The following CDC37L1 variants were observed in gnomAD, a reference collection of about 807,000 sequenced individuals.
The protein encoded by CDC37L1 is hsp90 co-chaperone Cdc37-like 1.
CDC37L1 carries 32 observed loss-of-function variants against 45.9 expected under a neutral mutation model. The ratio of observed to expected loss-of-function variants is 0.70; its 90% CI spans 0.53 to 0.94. The LOEUF (loss-of-function observed/expected upper bound fraction) is 0.94, where lower values mean the gene tolerates loss of function less well. Among genes scored for constraint, CDC37L1 ranks in the 40% least tolerant of loss-of-function variants. The probability of loss-of-function intolerance (pLI) is 0.00; values close to 1 mark genes in which losing one functional copy is unlikely to be tolerated. For missense variants in CDC37L1, 434 were observed against 405.7 expected (o/e 1.07, Z -0.60); for synonymous variants, 150 against 133.0 (o/e 1.13, Z -0.88).
chr9:4,681,677 G>A (rs1382447288), intron 1 of CDC37L1, among the ~76,000 whole-genome samples: 1 of 152,076 alleles, frequency 6.6e-6, no homozygotes, highest in Non-Finnish European at 1.5e-5. Flanking sequence ...TATTAATTCT[G>A]AGTTCATGTG....
intron 4 of CDC37L1, 54 bp downstream of exon 4, chr9:4,697,265 A>C: frequency 1.2e-6 from 1 of 816,964 alleles, no homozygotes; most frequent in Non-Finnish European, 2.1e-6. Context: ...ATCTGATTTC[A>C]TACTTTATTG....
At chr9:4,697,356 C>G (rs1841357457) in intron 4 of CDC37L1, 145 bp downstream of exon 4, 1 of 608,110 alleles carries the variant, frequency 1.6e-6, no homozygotes, top group African/African-American at 1.9e-5. Context: ...TTTTTGCTTC[C>G]AGATCTACTT....
chr9:4,682,159 C>CTTTT lies in CDC37L1; in HGVS notation c.132+2261_132+2262insTTTT, dbSNP rs1563766411. On this transcript the variant is annotated intron_variant, in intron 1 of 6. Transcript: ENST00000381854. ...TACTTTTCTTGATATATTATCCTTT[C>CTTTT]TCTTTTTTTTTTTTTTTTTTTGAGG... 8.3e-4 allele frequency among the ~76,000 whole-genome samples: 40 copies of CTTTT among 48,442 alleles called. 1 individual carries two copies. Among genetic ancestry groups the CTTTT allele is most frequent in the South Asian group, 1.5e-3 (2 of 1,340 alleles). 31.8% of individuals were successfully genotyped at this position (48,442 alleles called of 152,430 possible). A position where few individuals can be genotyped will look rare whatever the true frequency, so the allele number is the denominator to read the frequency against.
chr9:4,693,536 T>C (rs1473871911), intron 3 of CDC37L1, among the ~76,000 whole-genome samples: 1 of 152,094 alleles, frequency 6.6e-6, no homozygotes, highest in African/African-American at 2.4e-5. Flanking sequence ...AGGACGTGTA[T>C]TTCAGGACCA....
chr9:4,698,399 G>A (rs1335433441), intron 5 of CDC37L1, among the ~76,000 whole-genome samples: 1 of 150,270 alleles, frequency 6.7e-6, no homozygotes, highest in African/African-American at 2.5e-5. Flanking sequence ...TTTGTAATGA[G>A]CTGAAGAAAT....
intron 3 of CDC37L1, among the ~76,000 whole-genome samples, chr9:4,695,261 T>C (rs1841337363): frequency 6.6e-6 from 1 of 152,196 alleles, no homozygotes; most frequent in African/African-American, 2.4e-5. Context: ...CATAGCTCAC[T>C]GCAGCCTCCA....
At chr9:4,704,693 G>C (rs761957189) in intron 6 of CDC37L1, among the ~76,000 whole-genome samples, 1 of 152,102 alleles carries the variant, frequency 6.6e-6, no homozygotes. Context: ...GGTCATTTTT[G>C]ATAAAGCTTA....
chr9:4,699,152 C>T (rs1210782013), intron 5 of CDC37L1, among the ~76,000 whole-genome samples: 1 of 152,084 alleles, frequency 6.6e-6, no homozygotes, highest in Non-Finnish European at 1.5e-5. Context: ...CACATATGTA[C>T]TAGATTGCCG....
intron 2 of CDC37L1, among the ~76,000 whole-genome samples, chr9:4,687,660 C>G (rs1206199584): frequency 9.1e-6 from 1 of 110,384 alleles, no homozygotes; most frequent in Non-Finnish European, 1.7e-5. Flanking sequence ...GCCTGGGTGA[C>G]AGAGCAAGAC....
intron 3 of CDC37L1, among the ~76,000 whole-genome samples, chr9:4,691,400 C>T (rs980890901): frequency 1.3e-5 from 2 of 152,136 alleles, no homozygotes; most frequent in African/African-American, 4.8e-5. Flanking sequence ...ATTTAGCTCC[C>T]GCTTATAGGT....
intron 3 of CDC37L1, among the ~76,000 whole-genome samples, chr9:4,696,460 A>G (rs1423390356): frequency 6.6e-6 from 1 of 151,328 alleles, no homozygotes; most frequent in Non-Finnish European, 1.5e-5. Context: ...CCTGAGCAAC[A>G]TAATAAGCCT....
At chr9:4,681,153 T>C (rs2130840373) in intron 1 of CDC37L1, among the ~76,000 whole-genome samples, 1 of 152,284 alleles carries the variant, frequency 6.6e-6, no homozygotes, top group South Asian at 2.1e-4. Flanking sequence ...CAGATGCCAT[T>C]GTCAATTTTG....
chr9:4,692,229 T>G (rs377688642), intron 3 of CDC37L1, among the ~76,000 whole-genome samples: 10 of 152,078 alleles, frequency 6.6e-5, no homozygotes, highest in African/African-American at 2.2e-4. Flanking sequence ...AAAGCACTCT[T>G]ACATATGAAG....
At chr9:4,688,654 T>A (rs376924076) in intron 3 of CDC37L1, 48 bp downstream of exon 3, 61 of 1,184,066 alleles carry the variant, frequency 5.2e-5, no homozygotes, top group Non-Finnish European at 6.9e-5. Context: ...TGGTATCATA[T>A]GTACATGTGC....
Position 4,708,153 on chromosome 9 carries a change from T to C in CDC37L1, c.*2041T>C, listed in dbSNP as rs1182344904. The C allele has an allele frequency of 1.3e-5, 2 of 152,260 alleles. No individual in the cohort carries two copies. Among genetic ancestry groups the C allele is most frequent in the African/African-American group, 4.8e-5 (2 of 41,474 alleles). The allele number at this position is 152,260 out of a possible 1,614,324, so 9.4% of individuals were successfully genotyped here. The stretch of plus-strand genomic sequence containing the variant: ...ATAAATTACATAGTTAGCCGTACTT[T>C]AGTACTAGAAACAGTAAATTGACAT... On this transcript the variant is annotated 3_prime_UTR_variant, in exon 7 of 7. Coordinates refer to ENST00000381854, the MANE Select transcript of CDC37L1 (RefSeq NM_017913.4).
chr9:4,702,888 C>CAAAAAAAAA (rs397829063), intron 6 of CDC37L1, among the ~76,000 whole-genome samples: 1 of 42,962 alleles, frequency 2.3e-5, no homozygotes, highest in Non-Finnish European at 4.8e-5. Flanking sequence ...GACTCCGTCT[C>CAAAAAAAAA]AAAAAAAAAA....
At chr9:4,690,442 A>G (rs1841289854) in intron 3 of CDC37L1, among the ~76,000 whole-genome samples, 1 of 152,158 alleles carries the variant, frequency 6.6e-6, no homozygotes, top group South Asian at 2.1e-4. Flanking sequence ...CGCTACTAGT[A>G]AATTAGGTGT....
rs565523819 is a variant in CDC37L1, at chr9:4,706,915, G to A, written c.*803G>A. 13 of 152,140 alleles carry A rather than the reference G, an allele frequency of 8.5e-5. No individual in the cohort carries two copies. Among genetic ancestry groups the A allele is most frequent in the African/African-American group, 2.9e-4 (12 of 41,508 alleles). 9.4% of individuals were successfully genotyped at this position (152,140 alleles called of 1,614,324 possible). A position where few individuals can be genotyped will look rare whatever the true frequency, so the allele number is the denominator to read the frequency against. On this transcript the variant is annotated 3_prime_UTR_variant, in exon 7 of 7. Coordinates refer to ENST00000381854, the MANE Select transcript of CDC37L1 (RefSeq NM_017913.4). ...GAGTAAGTTTTAAAAGAATACTAAT[G>A]GCTTGTAAGAACAAACAGGAATAAT...
At chr9:4,688,746 C>A in intron 3 of CDC37L1, 140 bp downstream of exon 3, 4 of 489,344 alleles carry the variant, frequency 8.2e-6, no homozygotes, top group African/African-American at 2.1e-5. Flanking sequence ...CTGTATAGAT[C>A]TTGTTTTAGA....
Sources: allele counts gnomAD v4.1 joint callset (sites outside exome capture counted in the v4.1 genomes callset), GRCh38; gene constraint gnomAD v4.1.1; transcripts MANE v1.5; gene names NCBI Gene and HGNC (gene_info 2026-07-23, HGNC 2026-07-21).